GLI3: variants seen among roughly 807,000 people sequenced by gnomAD.
GLI3 encodes the protein GLI family zinc finger 3.
GLI3 carries 20 observed loss-of-function variants against 100.8 expected under a neutral mutation model. The observed-to-expected ratio is 0.20, with a 90% CI of 0.14 to 0.29. GLI3 has a LOEUF of 0.29. GLI3 is among the 10% of genes least tolerant of loss of function. The pLI is 1.00. For synonymous variants in GLI3, 938 were observed against 860.5 expected (o/e 1.09, Z -1.58); for missense variants, 2,040 against 2,128.5 (o/e 0.96, Z 0.82).
At chr7:42,009,084 T>C (rs1788537739) in intron 10 of GLI3, among the ~76,000 whole-genome samples, 1 of 152,220 alleles carries the variant, frequency 6.6e-6, no homozygotes, top group Non-Finnish European at 1.5e-5. Context: ...CCTTGACTGA[T>C]GCCAAGCCAT....
intron 2 of GLI3, among the ~76,000 whole-genome samples, chr7:42,159,970 G>A (rs1420976984): frequency 6.6e-6 from 1 of 152,198 alleles, no homozygotes; most frequent in Non-Finnish European, 1.5e-5. Context: ...AGGCAGCACA[G>A]TGTAATAAAA....
chr7:42,040,727 A>G (rs907238511), intron 6 of GLI3, among the ~76,000 whole-genome samples: 1 of 152,196 alleles, frequency 6.6e-6, no homozygotes, highest in Admixed American at 6.5e-5. Flanking sequence ...CTCAGTGCCC[A>G]GTGATTTCTA....
intron 4 of GLI3, among the ~76,000 whole-genome samples, chr7:42,061,057 A>G (rs970601021): frequency 6.6e-6 from 1 of 152,228 alleles, no homozygotes; most frequent in Non-Finnish European, 1.5e-5. Flanking sequence ...TCTCAGCAGC[A>G]CTAAGGCAGA....
chr7:42,255,031 C>T (rs1462577543), intron 1 of GLI3, among the ~76,000 whole-genome samples: 2 of 151,958 alleles, frequency 1.3e-5, no homozygotes, highest in Non-Finnish European at 2.9e-5. Context: ...TTGTGTTTCT[C>T]TCTGCCTATT....
intron 4 of GLI3, 147 bp downstream of exon 4, chr7:42,076,605 A>T (rs1426874684): frequency 4.4e-6 from 3 of 681,490 alleles, no homozygotes; most frequent in Non-Finnish European, 8.1e-6. Flanking sequence ...ACCCACGAAC[A>T]GATAGGCTTG....
rs1306717635 is a variant in GLI3, at chr7:41,972,061, G to C, written c.2103+276C>G. Among the ~76,000 whole-genome samples the C allele has an allele frequency of 6.6e-6, 1 of 152,222 alleles. No homozygotes were observed. Among genetic ancestry groups the C allele is most frequent in the Non-Finnish European group, 1.5e-5 (1 of 68,034 alleles). On this transcript the variant is annotated intron_variant, in intron 13 of 14. Transcript: ENST00000395925. This position sits in a 1 kb window ranked among gnomAD's most constrained non-coding sequence, Gnocchi z 4.4. ...TCAATGAATGATTTTCGACATTACA[G>C]ACACGCTGGAGAGACAGACAGTCGT...
intron 3 of GLI3, among the ~76,000 whole-genome samples, chr7:42,107,024 CACAAAATT>C (rs1785592424): frequency 6.6e-6 from 1 of 152,090 alleles, no homozygotes. Context: ...AGAAATGGAA[CACAAAATT>C]GTGTCAGGTG....
At chr7:42,001,549 T>C (rs1029182416) in intron 10 of GLI3, among the ~76,000 whole-genome samples, 8 of 152,148 alleles carry the variant, frequency 5.3e-5, no homozygotes, top group African/African-American at 1.9e-4. Flanking sequence ...TTAGAAAATA[T>C]TATTAATAAA....
chr7:42,076,888 A>C, intron 3 of GLI3, 31 bp from the exon 4 acceptor site: 7 of 1,289,104 alleles, frequency 5.4e-6, no homozygotes, highest in Non-Finnish European at 7.9e-6. Context: ...AATCTATATC[A>C]AATGAACACT....
At chr7:41,985,471 T>C (rs188197000) in intron 10 of GLI3, among the ~76,000 whole-genome samples, 1 of 152,340 alleles carries the variant, frequency 6.6e-6, no homozygotes. Context: ...GTTTCTTGAC[T>C]TTATGTTATA....
intron 10 of GLI3, among the ~76,000 whole-genome samples, chr7:41,999,038 G>A (rs757853384): frequency 2.6e-5 from 4 of 152,208 alleles, no homozygotes; most frequent in Non-Finnish European, 5.9e-5. Context: ...GAAGTTGGAA[G>A]TTTGCTTAGT....
At chr7:42,141,045 T>C (rs1420300785) in intron 3 of GLI3, among the ~76,000 whole-genome samples, 1 of 152,124 alleles carries the variant, frequency 6.6e-6, no homozygotes, top group Non-Finnish European at 1.5e-5. Flanking sequence ...TTACATGGAA[T>C]CTTTAAGCAA....
chr7:42,051,147 T>A (rs139029758), intron 4 of GLI3, among the ~76,000 whole-genome samples: 1 of 152,276 alleles, frequency 6.6e-6, no homozygotes, highest in East Asian at 1.9e-4. Context: ...CTACGGTCCT[T>A]TTACATACTG....
chr7:42,129,679 C>G (rs753421477), intron 3 of GLI3, among the ~76,000 whole-genome samples: 1 of 152,116 alleles, frequency 6.6e-6, no homozygotes, highest in Non-Finnish European at 1.5e-5. Flanking sequence ...GGTGAGGTGG[C>G]GGGCGCCTGT....
chr7:42,082,546 C>T (rs1254411322), intron 3 of GLI3, among the ~76,000 whole-genome samples: 7 of 152,128 alleles, frequency 4.6e-5, no homozygotes, highest in Admixed American at 3.3e-4. Context: ...CCCCACAGGG[C>T]CCCGCTGAGG....
At chr7:42,037,742 C>T (rs1404625610) in intron 7 of GLI3, among the ~76,000 whole-genome samples, 1 of 152,176 alleles carries the variant, frequency 6.6e-6, no homozygotes, top group East Asian at 1.9e-4. Flanking sequence ...CTTCTTCCAT[C>T]TCTAATGATA....
In GLI3 at chr7:42,034,968, G is replaced by A. The variant is rs1017716498; in HGVS notation, c.1028+5070C>T. Among the ~76,000 whole-genome samples, 7 of 152,066 alleles carry A rather than the reference G, an allele frequency of 4.6e-5. No homozygotes were observed. In the South Asian group the frequency reaches 1.5e-3, roughly 32 times the overall value. ...AGTACAGCGACTAGCACAGAGTTAA[G>A]CTCAGCTAAATATTTGGGGAATTAA... is the stretch of plus-strand genomic sequence containing the variant. On this transcript the variant is annotated intron_variant, in intron 7 of 14. Coordinates refer to ENST00000395925, the MANE Select transcript of GLI3 (RefSeq NM_000168.6).
intron 7 of GLI3, among the ~76,000 whole-genome samples, chr7:42,035,992 A>G (rs1407149607): frequency 6.6e-6 from 1 of 152,248 alleles, no homozygotes; most frequent in Non-Finnish European, 1.5e-5. Context: ...GAGATTTTAA[A>G]AGACTTGTCA....
At chr7:42,224,308 A>G (rs1788544759) in intron 1 of GLI3, among the ~76,000 whole-genome samples, 1 of 152,232 alleles carries the variant, frequency 6.6e-6, no homozygotes, top group South Asian at 2.1e-4. Flanking sequence ...CGACATCCTC[A>G]ATCACAGCAG....
Sources: allele counts gnomAD v4.1 joint callset (sites outside exome capture counted in the v4.1 genomes callset), GRCh38; gene constraint gnomAD v4.1.1; non-coding constraint Gnocchi (gnomAD v3.1); transcripts MANE v1.5; gene names NCBI Gene and HGNC (gene_info 2026-07-23, HGNC 2026-07-21).